Variants in RC3H1 observed in about 807,000 individuals in gnomAD.
RC3H1 encodes ring finger and CCCH-type domains 1.
Under a neutral mutation model 138.2 loss-of-function variants are expected in RC3H1, and 50 were observed. The observed-to-expected ratio is 0.36, with a 90% CI of 0.29 to 0.46. The LOEUF is 0.46. Among genes scored for constraint, RC3H1 ranks in the 20% least tolerant of loss-of-function variants. The probability of loss-of-function intolerance (pLI) is 1.00; values close to 1 mark genes in which losing one functional copy is unlikely to be tolerated. For missense variants in RC3H1, 1,031 were observed against 1,388.1 expected, an observed-to-expected ratio of 0.74 and a Z score of 4.09; for synonymous variants, 462 against 489.1, an observed-to-expected ratio of 0.94 and a Z score of 0.73.
In RC3H1 at chr1:173,950,162, C is replaced by T. The variant is rs568586220; in HGVS notation, c.2523+1824G>A. 3.2e-4 allele frequency among the ~76,000 whole-genome samples: 48 copies of T among 150,350 alleles called. 1 individual carries two copies. Among genetic ancestry groups the T allele is most frequent in the African/African-American group, 1.1e-3 (44 of 41,006 alleles). On this transcript the variant is annotated intron_variant, in intron 14 of 19. Transcript: ENST00000367696. ...CCAGCCTGGGTACAGAGTGGAACTCCGTCTCAAAAAAAAAGTACACATCTT... is the reference window on the plus strand; with the variant it reads ...CCAGCCTGGGTACAGAGTGGAACTCTGTCTCAAAAAAAAAGTACACATCTT...
intron 13 of RC3H1, among the ~76,000 whole-genome samples, chr1:173,953,994 A>C (rs1319110197): frequency 6.6e-6 from 1 of 152,148 alleles, no homozygotes; most frequent in Non-Finnish European, 1.5e-5. Flanking sequence ...AGCCAAGTTC[A>C]TGCCACTGCA....
chr1:173,995,991 C>T (rs1046653390), intron 1 of RC3H1, among the ~76,000 whole-genome samples: 4 of 152,316 alleles, frequency 2.6e-5, no homozygotes, highest in African/African-American at 9.6e-5. Context: ...TGGCGGCTCA[C>T]GCCTGTAATC....
chr1:173,990,578 A>T (rs181549054), intron 2 of RC3H1, among the ~76,000 whole-genome samples: 18,794 of 143,998 alleles, frequency 0.13, 1,751 homozygotes, highest in East Asian at 0.33. Flanking sequence ...ATTATTATTT[A>T]TTTTTTTTTT....
At chr1:173,999,398 A>T (rs1436290844) in intron 1 of RC3H1, among the ~76,000 whole-genome samples, 1 of 147,350 alleles carries the variant, frequency 6.8e-6, no homozygotes, top group Admixed American at 6.7e-5. Context: ...AAAAAGAGAG[A>T]GAGAGAAAGA....
At chr1:173,946,204 AC>A (rs201343704) in intron 17 of RC3H1, among the ~76,000 whole-genome samples, 1 of 151,922 alleles carries the variant, frequency 6.6e-6, no homozygotes, top group African/African-American at 2.4e-5. Context: ...AAACAAACAA[AC>A]AAAAAAAACC....
At chr1:173,988,620 A>T (rs1397302569) in intron 2 of RC3H1, among the ~76,000 whole-genome samples, 2 of 152,260 alleles carry the variant, frequency 1.3e-5, no homozygotes, top group African/African-American at 4.8e-5. Flanking sequence ...CTTATAAAGA[A>T]ACTGCCAAAC....
chr1:173,969,978 T>G (rs530468461), intron 9 of RC3H1, among the ~76,000 whole-genome samples: 65 of 152,226 alleles, frequency 4.3e-4, no homozygotes, highest in Non-Finnish European at 7.6e-4. Context: ...CATAAAATAG[T>G]TTCCTATCTA....
rs369223207 is a variant in RC3H1, at chr1:173,996,286, T to C, written c.-150-3151A>G. 1.1e-3 allele frequency among the ~76,000 whole-genome samples: 160 copies of C among 144,320 alleles called. 1 individual carries two copies. Among genetic ancestry groups the C allele is most frequent in the Non-Finnish European group, 1.8e-3 (117 of 65,476 alleles). The allele number at this position is 144,320 out of a possible 152,430, so 94.7% of individuals were successfully genotyped here. On this transcript the variant is annotated intron_variant, in intron 1 of 19. Coordinates refer to ENST00000367696, the MANE Select transcript of RC3H1 (RefSeq NM_172071.4). ...GGAAAGAGACTCAAAATACATTAAG[T>C]AAAAAAAAAAGCCTTGAAGACCAAT...
At chr1:173,955,294 T>C (rs1465205640) in intron 13 of RC3H1, among the ~76,000 whole-genome samples, 1 of 133,616 alleles carries the variant, frequency 7.5e-6, no homozygotes, top group Non-Finnish European at 1.6e-5. Flanking sequence ...AACAACAACA[T>C]CACGTTTGCA....
At chr1:173,944,926 C>T (rs1659069538) in intron 17 of RC3H1, among the ~76,000 whole-genome samples, 1 of 152,004 alleles carries the variant, frequency 6.6e-6, no homozygotes, top group African/African-American at 2.4e-5. Context: ...AAAGTGATGG[C>T]TTACTTATTA....
chr1:174,001,560 C>T (rs1361202528), intron 1 of RC3H1, among the ~76,000 whole-genome samples: 1 of 152,140 alleles, frequency 6.6e-6, no homozygotes, highest in Non-Finnish European at 1.5e-5. Context: ...CATTCTCATG[C>T]AGAGTAGCTG....
rs912764887 is a variant in RC3H1 at position 174,022,252 on chromosome 1, G to C, written c.-307C>G. On this transcript the variant is annotated 5_prime_UTR_variant, in exon 1 of 20. Transcript: ENST00000367696. The surrounding 1 kb of genome is among the most constrained non-coding windows in gnomAD (Gnocchi z 4.2). ...CGCCGCCACCGCCAGCACCGCCTCC[G>C]GCCTCCCACCTGCTGCTGCTGAGGC... The C allele has an allele frequency of 2.6e-6, 1 of 390,990 alleles. No individual in the cohort carries two copies. The highest frequency in any genetic ancestry group is 3.7e-5 in the East Asian group (1 of 27,334). The allele number at this position is 390,990 out of a possible 1,614,324, so 24.2% of individuals were successfully genotyped here. A position where few individuals can be genotyped will look rare whatever the true frequency, so the allele number is the denominator to read the frequency against.
intron 7 of RC3H1, among the ~76,000 whole-genome samples, chr1:173,977,817 A>G (rs1051169927): frequency 6.6e-6 from 1 of 152,220 alleles, no homozygotes; most frequent in African/African-American, 2.4e-5. Context: ...GATCACAGAA[A>G]GATATCAAAA....
chr1:173,960,535 G>T (rs1048552545), intron 13 of RC3H1, among the ~76,000 whole-genome samples: 3 of 152,084 alleles, frequency 2.0e-5, no homozygotes, highest in African/African-American at 7.2e-5. Flanking sequence ...CATATTACAT[G>T]TTCAACAGCC....
intron 4 of RC3H1, among the ~76,000 whole-genome samples, chr1:173,983,191 A>T (rs957271459): frequency 1.2e-4 from 18 of 152,188 alleles, no homozygotes; most frequent in Admixed American, 7.2e-4. Flanking sequence ...TCAAAAAATT[A>T]AAAAAAGAAA....
intron 9 of RC3H1, chr1:173,969,407 A>G (rs1660255462): frequency 6.6e-6 from 1 of 151,560 alleles, no homozygotes; most frequent in Admixed American, 6.6e-5. Context: ...AGATGAGCTC[A>G]GGTGGATTCA....
chr1:173,940,825 T>C lies in RC3H1; in HGVS notation c.3251+440A>G, dbSNP rs1415021354. Among the ~76,000 whole-genome samples the C allele has an allele frequency of 2.3e-5, 3 of 128,976 alleles. No homozygotes were observed. In the East Asian group the frequency reaches 6.1e-4, roughly 26 times the overall value. The allele number at this position is 128,976 out of a possible 152,430, so 84.6% of individuals were successfully genotyped here. ...GTAACTCCAGATTTATGCAAAAATATTCTTTTTTTTTTTTTGAGACCGTGT... is the reference window on the plus strand; with the variant it reads ...GTAACTCCAGATTTATGCAAAAATACTCTTTTTTTTTTTTTGAGACCGTGT... On this transcript the variant is annotated intron_variant, in intron 19 of 19. Coordinates refer to ENST00000367696, the MANE Select transcript of RC3H1 (RefSeq NM_172071.4).
At chr1:173,994,627 T>C (rs1160380745) in intron 1 of RC3H1, among the ~76,000 whole-genome samples, 3 of 150,300 alleles carry the variant, frequency 2.0e-5, no homozygotes, top group Non-Finnish European at 4.4e-5. Flanking sequence ...AGGGAGACCC[T>C]GTCTCTACAA....
At position 173,932,301 on chromosome 1, in the gene RC3H1, G is replaced by A. The variant is rs956409723; in HGVS notation, c.*6420C>T. On this transcript the variant is annotated 3_prime_UTR_variant, in exon 20 of 20. Transcript: ENST00000367696. ...GGTGATAATGACTGCAGAATGTCTC[G>A]GGGAGACTGATATGAGCCTAAAGAC... The A allele has an allele frequency of 4.6e-5, 7 of 151,874 alleles. No homozygotes were observed. The highest frequency in any genetic ancestry group is 2.1e-4 in the South Asian group (1 of 4,802). 9.4% of individuals were successfully genotyped at this position (151,874 alleles called of 1,614,324 possible). A position where few individuals can be genotyped will look rare whatever the true frequency, so the allele number is the denominator to read the frequency against.
Sources: gnomAD v4.1 joint callset for allele counts (sites outside exome capture counted in the v4.1 genomes callset) on GRCh38, gnomAD v4.1.1 for gene constraint, Gnocchi (gnomAD v3.1) non-coding constraint, MANE v1.5 for transcripts, NCBI Gene and HGNC (gene_info 2026-07-23, HGNC 2026-07-21) for gene names.